Variants in FAM174B observed in about 807,000 individuals in gnomAD.
FAM174B encodes membrane protein FAM174B.
In FAM174B, 12 loss-of-function variants were observed where a neutral mutation model predicts 10.9. The ratio of observed to expected loss-of-function variants is 1.10; its 90% confidence interval spans 0.71 to 1.79. FAM174B has a LOEUF of 1.79. Ranked by LOEUF, FAM174B falls within the 40% of genes most tolerant of loss-of-function variation. The probability of loss-of-function intolerance (pLI) is 0.00; values close to 1 mark genes in which losing one functional copy is unlikely to be tolerated. For synonymous variants in FAM174B, 132 were observed against 115.8 expected (o/e 1.14, Z -0.90); for missense variants, 266 against 233.3 (o/e 1.14, Z -0.91).
At position 92,617,848 on chromosome 15, in the gene FAM174B, G is replaced by C; in HGVS notation, c.*1608C>G. 3 of 486,576 alleles carry C rather than the reference G, an allele frequency of 6.2e-6. No homozygotes were observed. The highest frequency in any genetic ancestry group is 1.1e-5 in the Non-Finnish European group (3 of 277,820). 30.1% of individuals were successfully genotyped at this position (486,576 alleles called of 1,614,324 possible). ...AGTCAACAAAGAAGGTGAAATGCAG[G>C]GAGCAGAGACTACACGCAGGCCCCC... On this transcript the variant is annotated 3_prime_UTR_variant, in exon 3 of 3. Coordinates refer to ENST00000327355, the MANE Select transcript of FAM174B (RefSeq NM_207446.3).
intron 1 of FAM174B, among the ~76,000 whole-genome samples, chr15:92,638,873 C>T (rs1388086635): frequency 6.6e-6 from 1 of 152,202 alleles, no homozygotes; most frequent in Non-Finnish European, 1.5e-5. Flanking sequence ...ACTGTCTACA[C>T]ATGACCTCCA....
Position 92,655,689 on chromosome 15 carries a change from G to A in FAM174B, c.-30C>T. 1 of 1,237,554 alleles carries A rather than the reference G, an allele frequency of 8.1e-7. No homozygotes were observed. Among genetic ancestry groups the A allele is most frequent in the Non-Finnish European group, 1.0e-6 (1 of 991,302 alleles). 76.7% of individuals were successfully genotyped at this position (1,237,554 alleles called of 1,614,324 possible). ...CGGTGGGTCGGCACAGGATCGGGCAGGGCGCGCGCGGCTGAGCTCCAGGAT... is the reference window on the plus strand; with the variant it reads ...CGGTGGGTCGGCACAGGATCGGGCAAGGCGCGCGCGGCTGAGCTCCAGGAT... On this transcript the variant is annotated 5_prime_UTR_variant, in exon 1 of 3. Coordinates refer to ENST00000327355, the MANE Select transcript of FAM174B (RefSeq NM_207446.3).
rs767163857 is a variant in FAM174B, at chr15:92,630,210, G to T, written c.476+4C>A. ...AGGAGGAAGCCTCTGTCTCCACCCT[G>T]TACCTGTATTTGATGTCGAATACTG... On this transcript the variant is annotated splice_donor_region_variant and intron_variant, in intron 2 of 2. Transcript: ENST00000327355. The T allele has an allele frequency of 6.2e-7, 1 of 1,613,728 alleles. No individual in the cohort carries two copies. Among genetic ancestry groups the T allele is most frequent in the Non-Finnish European group, 8.5e-7 (1 of 1,179,734 alleles).
At chr15:92,646,798 A>G (rs2141963454) in intron 1 of FAM174B, among the ~76,000 whole-genome samples, 1 of 152,318 alleles carries the variant, frequency 6.6e-6, no homozygotes, top group Middle Eastern at 3.4e-3. Context: ...CCAACTGCCA[A>G]TCAGAAAATC....
intron 1 of FAM174B, among the ~76,000 whole-genome samples, chr15:92,652,885 TG>T (rs2050976035): frequency 6.6e-6 from 1 of 152,134 alleles, no homozygotes; most frequent in South Asian, 2.1e-4. Flanking sequence ...CAGGGGAGCG[TG>T]GGACAGGGGA....
chr15:92,641,035 A>T (rs2050888277), intron 1 of FAM174B, among the ~76,000 whole-genome samples: 1 of 151,716 alleles, frequency 6.6e-6, no homozygotes. Context: ...TAATTGAAAA[A>T]CTGGTAAAGA....
intron 1 of FAM174B, among the ~76,000 whole-genome samples, chr15:92,654,787 C>CAAAA (rs5814547): frequency 1.5e-5 from 2 of 137,010 alleles, no homozygotes; most frequent in Non-Finnish European, 3.1e-5. Context: ...CTTTCAGTAG[C>CAAAA]AAAAAAAAAA....
At chr15:92,642,498 C>A (rs1378661702) in intron 1 of FAM174B, among the ~76,000 whole-genome samples, 1 of 152,166 alleles carries the variant, frequency 6.6e-6, no homozygotes, top group Non-Finnish European at 1.5e-5. Flanking sequence ...TGAGAGGGAC[C>A]TTGTGGGAGG....
At chr15:92,644,783 G>C (rs1361044873) in intron 1 of FAM174B, among the ~76,000 whole-genome samples, 1 of 152,196 alleles carries the variant, frequency 6.6e-6, no homozygotes, top group African/African-American at 2.4e-5. Context: ...AAGTCAAAAA[G>C]GCACAAATAG....
chr15:92,655,017 A>C, intron 1 of FAM174B: 9 of 252,492 alleles, frequency 3.6e-5, no homozygotes, highest in Admixed American at 5.4e-5. Flanking sequence ...CGCTGTCAGA[A>C]TTCAGAGCGC....
intron 1 of FAM174B, among the ~76,000 whole-genome samples, chr15:92,643,683 C>T (rs925003860): frequency 1.3e-5 from 2 of 152,118 alleles, no homozygotes; most frequent in African/African-American, 4.8e-5. Context: ...TGGCTGACTC[C>T]ATGTGGCTTT....
chr15:92,650,301 G>A lies in FAM174B; in HGVS notation c.344+5015C>T, dbSNP rs189260808. Reference sequence around the variant, plus strand: ...AGCATCTGTGGTTCCAATGTCTTCAGGGCATAGCAGTGTGCACCTTTCCCA... The same window carrying A: ...AGCATCTGTGGTTCCAATGTCTTCAAGGCATAGCAGTGTGCACCTTTCCCA... On this transcript the variant is annotated intron_variant, in intron 1 of 2. Coordinates refer to ENST00000327355, the MANE Select transcript of FAM174B (RefSeq NM_207446.3). Among the ~76,000 whole-genome samples, 14 of 152,300 alleles carry A rather than the reference G, an allele frequency of 9.2e-5. No homozygotes were observed. In the East Asian group the frequency reaches 1.7e-3, roughly 19 times the overall value.
chr15:92,631,568 C>T (rs2050818767), intron 1 of FAM174B, among the ~76,000 whole-genome samples: 1 of 135,842 alleles, frequency 7.4e-6, no homozygotes, highest in South Asian at 2.2e-4. Context: ...GATCTCGGCT[C>T]ACTGCAAGCT....
chr15:92,650,888 C>T (rs976700828), intron 1 of FAM174B, among the ~76,000 whole-genome samples: 1 of 152,238 alleles, frequency 6.6e-6, no homozygotes, highest in South Asian at 2.1e-4. Flanking sequence ...CACTCTCACA[C>T]ATGTGAAGGT....
chr15:92,642,887 A>C (rs2050900504), intron 1 of FAM174B, among the ~76,000 whole-genome samples: 1 of 152,226 alleles, frequency 6.6e-6, no homozygotes, highest in Non-Finnish European at 1.5e-5. Flanking sequence ...ACATAGATGA[A>C]CCCTGAAAAC....
intron 2 of FAM174B, among the ~76,000 whole-genome samples, chr15:92,628,431 C>T (rs528329334): frequency 2.6e-4 from 38 of 148,354 alleles, no homozygotes; most frequent in African/African-American, 9.4e-4. Context: ...CTGCACTCCT[C>T]GGCCTCTCAA....
intron 1 of FAM174B, among the ~76,000 whole-genome samples, chr15:92,631,248 TATATATA>T (rs1567045141): frequency 0.04 from 124 of 3,066 alleles, 52 homozygotes; most frequent in Non-Finnish European, 0.067. Flanking sequence ...TATATTATAT[TATATATA>T]ATATATTATA....
intron 2 of FAM174B, chr15:92,619,677 G>A: frequency 1.7e-6 from 1 of 599,640 alleles, no homozygotes; most frequent in Non-Finnish European, 3.0e-6. Flanking sequence ...CCCTCCCCCA[G>A]CTCCCCACAC....
At chr15:92,632,690 TTTTC>T (rs2050827310) in intron 1 of FAM174B, among the ~76,000 whole-genome samples, 1 of 151,928 alleles carries the variant, frequency 6.6e-6, no homozygotes, top group Admixed American at 6.6e-5. Flanking sequence ...TGTTTTTTTT[TTTTC>T]TATCTGTAGT....
Sources: allele counts gnomAD v4.1 joint callset (sites outside exome capture counted in the v4.1 genomes callset), GRCh38; gene constraint gnomAD v4.1.1; transcripts MANE v1.5; gene names NCBI Gene and HGNC (gene_info 2026-07-23, HGNC 2026-07-21).